Variants in C2CD5 observed in about 807,000 individuals in gnomAD.
C2CD5 encodes C2 domain-containing protein 5.
Under a neutral mutation model 130.3 loss-of-function variants are expected in C2CD5, and 109 were observed. That is an observed-to-expected ratio of 0.84 (90% CI 0.72 to 0.98). C2CD5 has a LOEUF of 0.98. C2CD5 is among the 50% of genes least tolerant of loss of function. C2CD5 has a pLI of 0.00. For missense variants in C2CD5, 996 were observed against 1,261.8 expected (o/e 0.79, Z 3.19); for synonymous variants, 454 against 429.2 (o/e 1.06, Z -0.71).
intron 6 of C2CD5, among the ~76,000 whole-genome samples, chr12:22,523,859 GAAT>G (rs1449771267): frequency 6.6e-6 from 1 of 150,818 alleles, no homozygotes; most frequent in African/African-American, 2.5e-5. Context: ...CAAATATATA[GAAT>G]AAAAACAAAT....
At chr12:22,542,148 C>T (rs983552945) in intron 2 of C2CD5, among the ~76,000 whole-genome samples, 3 of 152,244 alleles carry the variant, frequency 2.0e-5, no homozygotes, top group African/African-American at 7.2e-5. Context: ...CCCTGCCACA[C>T]TTCCCATCTG....
chr12:22,542,829 G>A (rs1464924251), intron 2 of C2CD5, among the ~76,000 whole-genome samples: 1 of 152,168 alleles, frequency 6.6e-6, no homozygotes, highest in African/African-American at 2.4e-5. Flanking sequence ...TCCTATAGCA[G>A]GACTGTTGTG....
chr12:22,519,422 T>G (rs925618032), intron 7 of C2CD5, among the ~76,000 whole-genome samples: 3 of 152,096 alleles, frequency 2.0e-5, no homozygotes, highest in Non-Finnish European at 4.4e-5. Context: ...TTAGGATACA[T>G]AGTTTTAAAG....
At chr12:22,537,320 C>T (rs908007082) in intron 2 of C2CD5, among the ~76,000 whole-genome samples, 7 of 152,118 alleles carry the variant, frequency 4.6e-5, no homozygotes, top group African/African-American at 1.7e-4. Context: ...GAAGCTAAGG[C>T]AAGAGGAGCT....
rs771801387 is a variant in C2CD5 at position 22,527,896 on chromosome 12, C to A, written c.178-4G>T. ...CTTGTAAGTCTTCATCATCCACCTA[C>A]AAGTATACCTTAAAATTAAAACTCA... On this transcript the variant is annotated splice_polypyrimidine_tract_variant and splice_region_variant and intron_variant, in intron 3 of 26. Transcript: ENST00000446597. 2.5e-6 allele frequency: 4 copies of A among 1,582,626 alleles called. No individual in the cohort carries two copies. Among genetic ancestry groups the A allele is most frequent in the Non-Finnish European group, 3.4e-6 (4 of 1,161,906 alleles).
rs768339552 is a variant in C2CD5, at chr12:22,478,337, T to G, written c.1878A>C (p.Lys626Asn). Residue 626 changes from lysine to asparagine, a missense_variant, in exon 15 of 27, where the codon AAA becomes AAC. Transcript: ENST00000446597. ...KKINDTIAKN[K>N]ELYEINPPEI... ...CTGGAGGATTGATTTCATATAACTC[T>G]TTGTTTTTAGCAATTGTGTCATTTA... 6.2e-7 allele frequency: 1 copy of G among 1,612,738 alleles called. No homozygotes were observed. Among genetic ancestry groups the G allele is most frequent in the Non-Finnish European group, 8.5e-7 (1 of 1,178,864 alleles).
intron 12 of C2CD5, among the ~76,000 whole-genome samples, chr12:22,486,532 G>T (rs1229140334): frequency 6.6e-6 from 1 of 152,138 alleles, no homozygotes; most frequent in Non-Finnish European, 1.5e-5. Context: ...CTGAGGACTA[G>T]CACATTGCAT....
intron 3 of C2CD5, among the ~76,000 whole-genome samples, chr12:22,530,601 G>A (rs1245186014): frequency 6.6e-6 from 1 of 151,648 alleles, no homozygotes; most frequent in African/African-American, 2.4e-5. Flanking sequence ...GGGATTACAG[G>A]TTCACACCAC....
Position 22,458,564 on chromosome 12 carries a change from G to A in C2CD5, c.2606C>T (p.Ser869Phe). The A allele has an allele frequency of 7.8e-7, 1 of 1,288,252 alleles. No individual in the cohort carries two copies. Among genetic ancestry groups the A allele is most frequent in the Non-Finnish European group, 9.8e-7 (1 of 1,016,526 alleles). 79.8% of individuals were successfully genotyped at this position (1,288,252 alleles called of 1,614,324 possible). Reference sequence around the variant, plus strand: ...CCAGCTGCTGCATCTGTCTGCAAAGGAACTGTAATCAACTGACGTTGCTGA... The same window carrying A: ...CCAGCTGCTGCATCTGTCTGCAAAGAAACTGTAATCAACTGACGTTGCTGA... ...AQRATSVDYS[S>F]FADRCSSWIE... is the part of the protein sequence containing the mutation. The change falls in exon 24 of 27, where the codon TCC becomes TTC. Residue 869 changes from serine (S) to phenylalanine (F), a missense_variant. Around this residue, in one of 9 missense-constraint regions of C2CD5, gnomAD observed 590 missense variants for 631.4 expected, o/e 0.93. Transcript: ENST00000446597.
chr12:22,516,396 A>G (rs1387596431), intron 8 of C2CD5, among the ~76,000 whole-genome samples: 1 of 151,770 alleles, frequency 6.6e-6, no homozygotes, highest in Non-Finnish European at 1.5e-5. Context: ...TAGGAAAAAA[A>G]TTATTTAGAG....
Position 22,472,870 on chromosome 12 carries a change from A to G in C2CD5, c.2044-63T>C, listed in dbSNP as rs1943259499. 4.2e-6 allele frequency: 4 copies of G among 942,808 alleles called. No individual in the cohort carries two copies. The East Asian group carries it at 9.7e-5, about 23-fold the overall frequency. 58.4% of individuals were successfully genotyped at this position (942,808 alleles called of 1,614,324 possible). A position where few individuals can be genotyped will look rare whatever the true frequency, so the allele number is the denominator to read the frequency against. ...ATGCATAATTATTTCACGTTTTAAAAGAACTATTAATAGAGTCAAGAAAAG... is the reference window on the plus strand; with the variant it reads ...ATGCATAATTATTTCACGTTTTAAAGGAACTATTAATAGAGTCAAGAAAAG... On this transcript the variant is annotated intron_variant, in intron 16 of 26. Coordinates refer to ENST00000446597, the MANE Select transcript of C2CD5 (RefSeq NM_001286176.2).
intron 10 of C2CD5, among the ~76,000 whole-genome samples, chr12:22,499,675 A>C (rs764455383): frequency 6.6e-6 from 1 of 152,084 alleles, no homozygotes; most frequent in East Asian, 1.9e-4. Flanking sequence ...ATCTAATGCA[A>C]ATGTGCCCAT....
intron 4 of C2CD5, among the ~76,000 whole-genome samples, chr12:22,526,706 G>A (rs527691319): frequency 1.3e-5 from 2 of 152,038 alleles, no homozygotes; most frequent in East Asian, 3.9e-4. Context: ...AAAAAATTAA[G>A]TAAATAAAAA....
rs1247516528 is a variant in C2CD5 at position 22,459,547 on chromosome 12, TAA to T, written c.2534-7_2534-6del. On this transcript the variant is annotated splice_region_variant and splice_polypyrimidine_tract_variant and intron_variant, in intron 22 of 26. Transcript: ENST00000446597. Reference sequence around the variant, plus strand: ...AACTTGCACTCTCCAGGTGTTCTAATAAGACAATATGAACAACATTAGCTCAG... The same window carrying T: ...AACTTGCACTCTCCAGGTGTTCTAATGACAATATGAACAACATTAGCTCAG... The T allele has an allele frequency of 1.3e-6, 2 of 1,519,518 alleles. No individual in the cohort carries two copies. Among genetic ancestry groups the T allele is most frequent in the South Asian group, 2.4e-5 (2 of 83,656 alleles). The allele number at this position is 1,519,518 out of a possible 1,614,324, so 94.1% of individuals were successfully genotyped here. A position where few individuals can be genotyped will look rare whatever the true frequency, so the allele number is the denominator to read the frequency against.
chr12:22,474,723 T>C lies in C2CD5; in HGVS notation c.2043+28A>G, dbSNP rs760363421. On this transcript the variant is annotated intron_variant, in intron 16 of 26. Transcript: ENST00000446597. ...ATGTGTATCTTAGCTTCCAAAACCTTTAAGAAATTAGTCCAATGCCACATT... is the reference window on the plus strand; with the variant it reads ...ATGTGTATCTTAGCTTCCAAAACCTCTAAGAAATTAGTCCAATGCCACATT... The C allele has an allele frequency of 1.9e-6, 3 of 1,539,248 alleles. No individual in the cohort carries two copies. In the South Asian group the frequency reaches 4.0e-5, roughly 20 times the overall value.
chr12:22,470,262 G>A (rs1942807085), intron 21 of C2CD5, among the ~76,000 whole-genome samples: 1 of 152,028 alleles, frequency 6.6e-6, no homozygotes, highest in South Asian at 2.1e-4. Context: ...GGACTAATCA[G>A]GAATATTTCA....
chr12:22,514,011 T>C (rs566445970), intron 8 of C2CD5, among the ~76,000 whole-genome samples: 1 of 152,140 alleles, frequency 6.6e-6, no homozygotes, highest in Non-Finnish European at 1.5e-5. Context: ...AATAGACACA[T>C]CACAAATGTA....
intron 17 of C2CD5, 179 bp from the exon 18 acceptor site, chr12:22,472,526 C>G (rs1040364784): frequency 3.3e-6 from 2 of 605,400 alleles, no homozygotes; most frequent in African/African-American, 3.8e-5. Flanking sequence ...GTTTTTTTTT[C>G]CGTGTATAAA....
At chr12:22,453,097 C>G (rs1427577649) in intron 26 of C2CD5, among the ~76,000 whole-genome samples, 1 of 152,122 alleles carries the variant, frequency 6.6e-6, no homozygotes, top group African/African-American at 2.4e-5. Flanking sequence ...ATATACACAT[C>G]TATTCATTCT....
Sources: allele counts gnomAD v4.1 joint callset (sites outside exome capture counted in the v4.1 genomes callset), GRCh38; gene constraint gnomAD v4.1.1; regional missense constraint gnomAD v4.1.1; transcripts MANE v1.5; gene names NCBI Gene and HGNC (gene_info 2026-07-23, HGNC 2026-07-21).